The following FNBP4 variants were observed in gnomAD, a reference collection of about 807,000 sequenced individuals.
FNBP4 encodes the protein formin-binding protein 4.
A neutral mutation model predicts 119.3 loss-of-function variants in FNBP4; 34 were observed. That is an observed-to-expected ratio of 0.28 (90% CI 0.22 to 0.38). The LOEUF (loss-of-function observed/expected upper bound fraction) is 0.38. Ranked by LOEUF, FNBP4 falls within the 10% of genes least tolerant of loss-of-function variation. FNBP4 has a pLI of 1.00. For synonymous variants in FNBP4, 462 were observed against 430.6 expected (o/e 1.07, Z -0.90); for missense variants, 1,112 against 1,228.9 (o/e 0.90, Z 1.42).
intron 8 of FNBP4, among the ~76,000 whole-genome samples, chr11:47,741,052 A>G (rs529291598): frequency 6.6e-6 from 1 of 151,168 alleles, no homozygotes; most frequent in Non-Finnish European, 1.5e-5. Flanking sequence ...CAGTTTTGGT[A>G]GAGACGGGGT....
intron 2 of FNBP4, among the ~76,000 whole-genome samples, chr11:47,758,347 A>T (rs1452038251): frequency 6.6e-6 from 1 of 152,192 alleles, no homozygotes; most frequent in African/African-American, 2.4e-5. Context: ...TGTAGCTAGG[A>T]CTACAGGCCT....
At position 47,724,746 on chromosome 11, in the gene FNBP4, C is replaced by G. The variant is rs1187770993; in HGVS notation, c.2041G>C (p.Val681Leu). 3 of 1,578,204 alleles carry G rather than the reference C, an allele frequency of 1.9e-6. No homozygotes were observed. The Admixed American group carries it at 5.5e-5, about 29-fold the overall frequency. The change falls in exon 13 of 17, where the codon GTT (valine) becomes CTT (leucine). Residue 681 changes from valine (V) to leucine (L), a missense_variant. By Grantham distance (32) the Val-to-Leu change is conservative (BLOSUM62 1). This residue lies in a region of FNBP4 where 826 missense variants were observed against 988.8 expected (regional missense o/e 0.84). Transcript: ENST00000263773. ...SLCKESFSGQ[V>L]SSSSLMPLTP... Reference sequence around the variant, plus strand: ...AGTGGCATGAGTGATGAAGAAGAAACTTGACCAGAAAAGGATTCTTTACAA... The same window carrying G: ...AGTGGCATGAGTGATGAAGAAGAAAGTTGACCAGAAAAGGATTCTTTACAA...
intron 15 of FNBP4, among the ~76,000 whole-genome samples, chr11:47,721,479 T>C (rs2097555578): frequency 6.6e-6 from 1 of 151,896 alleles, no homozygotes; most frequent in African/African-American, 2.4e-5. Context: ...TGCACATGCC[T>C]GTCGCCCCAG....
rs764681099 is a variant in FNBP4 at position 47,724,489 on chromosome 11, T to C, written c.2298A>G (p.Gln766=). The C allele has an allele frequency of 6.2e-7, 1 of 1,614,230 alleles. No homozygotes were observed. Among genetic ancestry groups the C allele is most frequent in the South Asian group, 1.1e-5 (1 of 91,086 alleles). The stretch of plus-strand genomic sequence containing the variant: ...TTACCTGGCTAGTTACAACTGTGGT[T>C]TGTGCTGAAGGTTTCAAAGGGGTAT... ...EEDTPLKPSA[Q]TTVVTSQSSV... Residue 766 remains glutamine (Q), a synonymous_variant, in exon 13 of 17, where the codon CAA becomes CAG. Coordinates refer to ENST00000263773, the MANE Select transcript of FNBP4 (RefSeq NM_015308.5).
intron 8 of FNBP4, 130 bp from the exon 9 acceptor site, chr11:47,736,870 T>A: frequency 1.1e-6 from 1 of 887,654 alleles, no homozygotes; most frequent in Non-Finnish European, 1.7e-6. Flanking sequence ...ACTTACTTGT[T>A]AAAACTCTTC....
chr11:47,724,843 A>G lies in FNBP4; in HGVS notation c.2009-65T>C. 2.7e-6 allele frequency: 4 copies of G among 1,509,204 alleles called. No homozygotes were observed. The South Asian group carries it at 5.5e-5, about 21-fold the overall frequency. The allele number at this position is 1,509,204 out of a possible 1,614,324, so 93.5% of individuals were successfully genotyped here. A position where few individuals can be genotyped will look rare whatever the true frequency, so the allele number is the denominator to read the frequency against. ...AAACTCCCTGGCTTATATTCATAGA[A>G]ATGTTCAACTGGTCAGTAAGATAAT... On this transcript the variant is annotated intron_variant, in intron 12 of 16. Coordinates refer to ENST00000263773, the MANE Select transcript of FNBP4 (RefSeq NM_015308.5).
At chr11:47,729,474 C>T in intron 12 of FNBP4, 5 of 985,288 alleles carry the variant, frequency 5.1e-6, no homozygotes, top group Non-Finnish European at 6.0e-6. Flanking sequence ...AACTTTGAAA[C>T]TTCTTGGCTT....
rs988764661 is a variant in FNBP4, at chr11:47,728,095, T to C, written c.2008+3279A>G. 2.6e-5 allele frequency among the ~76,000 whole-genome samples: 4 copies of C among 151,872 alleles called. No individual in the cohort carries two copies. The East Asian group carries it at 5.8e-4, about 22-fold the overall frequency. ...TTCTACATATTGGGTAAGCTGCTCTTGAACTCCCGACCTCAGGTGATCCTC... is the reference window on the plus strand; with the variant it reads ...TTCTACATATTGGGTAAGCTGCTCTCGAACTCCCGACCTCAGGTGATCCTC... On this transcript the variant is annotated intron_variant, in intron 12 of 16. Coordinates refer to ENST00000263773, the MANE Select transcript of FNBP4 (RefSeq NM_015308.5).
intron 13 of FNBP4, 50 bp downstream of exon 13, chr11:47,724,418 T>C (rs746494841): frequency 1.9e-6 from 3 of 1,612,908 alleles, no homozygotes; most frequent in East Asian, 2.2e-5. Flanking sequence ...ATGGTGTCAA[T>C]CATGTTCCAG....
rs2097567519 is a variant in FNBP4, at chr11:47,731,575, A to C, written c.1821-14T>G. On this transcript the variant is annotated splice_polypyrimidine_tract_variant and intron_variant, in intron 11 of 16. Transcript: ENST00000263773. ...CGTCTATGATCCCTAAATTACAAGA[A>C]AGAAAACACATGTTTTAAAACCCGT... 3 of 1,594,206 alleles carry C rather than the reference A, an allele frequency of 1.9e-6. No homozygotes were observed. Among genetic ancestry groups the C allele is most frequent in the South Asian group, 2.3e-5 (2 of 87,888 alleles).
intron 8 of FNBP4, 96 bp from the exon 9 acceptor site, chr11:47,736,836 A>C (rs2097574835): frequency 1.8e-6 from 2 of 1,116,468 alleles, no homozygotes; most frequent in African/African-American, 3.2e-5. Flanking sequence ...AAAGATTATT[A>C]GTTCTTTCTC....
At chr11:47,724,283 T>G (rs2097558739) in intron 13 of FNBP4, 111 bp from the exon 14 acceptor site, 2 of 1,517,822 alleles carry the variant, frequency 1.3e-6, no homozygotes, top group Admixed American at 1.9e-5. Context: ...GCTGCAGTGG[T>G]GAGATCATGA....
rs189156965 is a variant in FNBP4, at chr11:47,731,585, A to G, written c.1821-24T>C. The stretch of plus-strand genomic sequence containing the variant: ...CCCTAAATTACAAGAAAGAAAACAC[A>G]TGTTTTAAAACCCGTTCTCCTACAA... On this transcript the variant is annotated intron_variant, in intron 11 of 16. Coordinates refer to ENST00000263773, the MANE Select transcript of FNBP4 (RefSeq NM_015308.5). 72 of 1,589,056 alleles carry G rather than the reference A, an allele frequency of 4.5e-5. No homozygotes were observed. The African/African-American group carries it at 8.2e-4, about 18-fold the overall frequency.
intron 9 of FNBP4, among the ~76,000 whole-genome samples, chr11:47,735,016 C>T (rs1563821): frequency 0.36 from 50,583 of 140,002 alleles, 10,237 homozygotes; most frequent in South Asian, 0.54. Flanking sequence ...TAAAGCACAG[C>T]ATGGTGACTA....
At chr11:47,746,445 C>T (rs1418899683) in intron 6 of FNBP4, 51 bp from the exon 7 acceptor site, 1 of 1,409,512 alleles carries the variant, frequency 7.1e-7, no homozygotes, top group African/African-American at 1.4e-5. Flanking sequence ...ACAAATCTCA[C>T]CTGCACATAC....
At chr11:47,727,297 C>T (rs1411985023) in intron 12 of FNBP4, among the ~76,000 whole-genome samples, 2 of 149,950 alleles carry the variant, frequency 1.3e-5, no homozygotes, top group Non-Finnish European at 3.0e-5. Flanking sequence ...TTGTCCACGC[C>T]GGAGTGCAGT....
intron 7 of FNBP4, among the ~76,000 whole-genome samples, chr11:47,744,770 TAC>T (rs1420652533): frequency 2.0e-5 from 3 of 152,218 alleles, no homozygotes; most frequent in Non-Finnish European, 4.4e-5. Context: ...TTTTATAATA[TAC>T]AGTTATTATT....
In FNBP4 at chr11:47,732,345, TTA is replaced by T. The variant is rs1412649184; in HGVS notation, c.1820+190_1820+191del. 6.7e-7 allele frequency: 1 copy of T among 1,483,466 alleles called. No homozygotes were observed. The highest frequency in any genetic ancestry group is 8.9e-7 in the Non-Finnish European group (1 of 1,121,544). The allele number at this position is 1,483,466 out of a possible 1,614,324, so 91.9% of individuals were successfully genotyped here. ...GAAAAAATCCGTTACATGGAACACT[TTA>T]AACATTGCTTTTGTTTCTCCAATGT... On this transcript the variant is annotated intron_variant, in intron 11 of 16. Coordinates refer to ENST00000263773, the MANE Select transcript of FNBP4 (RefSeq NM_015308.5). This position sits in a 1 kb window ranked among gnomAD's most constrained non-coding sequence, Gnocchi z 4.2.
intron 2 of FNBP4, among the ~76,000 whole-genome samples, chr11:47,757,715 G>C (rs1011581504): frequency 1.4e-5 from 2 of 145,552 alleles, no homozygotes; most frequent in Non-Finnish European, 3.0e-5. Flanking sequence ...GCTGCTCTTG[G>C]ACTCCTGACC....
Sources: gnomAD v4.1 joint callset for allele counts (sites outside exome capture counted in the v4.1 genomes callset) on GRCh38, gnomAD v4.1.1 for gene constraint, gnomAD v4.1.1 regional missense constraint, Gnocchi (gnomAD v3.1) non-coding constraint, MANE v1.5 for transcripts, NCBI Gene and HGNC (gene_info 2026-07-23, HGNC 2026-07-21) for gene names.